Variants in SPOCK3 observed in about 807,000 individuals in gnomAD.
SPOCK3 encodes testican-3.
In SPOCK3, 30 loss-of-function variants were observed where a neutral mutation model predicts 56.6. The observed-to-expected ratio is 0.53, with a 90% CI of 0.40 to 0.72. SPOCK3 has a LOEUF of 0.72. Ranked by LOEUF, SPOCK3 falls within the 30% of genes least tolerant of loss-of-function variation. SPOCK3 has a pLI of 0.00. For missense variants in SPOCK3, 527 were observed against 530.0 expected (o/e 0.99, Z 0.06); for synonymous variants, 196 against 183.3 (o/e 1.07, Z -0.56).
chr4:166,754,881 A>C (rs1004591761), intron 7 of SPOCK3, 152 bp from the exon 8 acceptor site: 12 of 675,434 alleles, frequency 1.8e-5, no homozygotes, highest in Non-Finnish European at 2.5e-5. Flanking sequence ...AGTTTGTTTC[A>C]AATTGAAGTG....
intron 6 of SPOCK3, among the ~76,000 whole-genome samples, chr4:166,884,354 C>T (rs1300801892): frequency 7.2e-6 from 1 of 138,518 alleles, no homozygotes; most frequent in Non-Finnish European, 1.6e-5. Context: ...TCCATCTCAA[C>T]AACAACAACA....
Position 166,993,704 on chromosome 4 carries a change from T to C in SPOCK3, c.350+6645A>G, listed in dbSNP as rs899476698. On this transcript the variant is annotated intron_variant, in intron 4 of 10. Coordinates refer to ENST00000357545, the MANE Select transcript of SPOCK3 (RefSeq NM_001040159.2). ...CTATGGCAACCCAACAATTCACCTG[T>C]TAGCTATTAAATATACAGTCACTAT... is the stretch of plus-strand genomic sequence containing the variant. 2.0e-5 allele frequency among the ~76,000 whole-genome samples: 3 copies of C among 152,312 alleles called. No homozygotes were observed. In the East Asian group the frequency reaches 5.8e-4, roughly 29 times the overall value.
At chr4:166,765,224 C>T (rs561517295) in intron 7 of SPOCK3, among the ~76,000 whole-genome samples, 2 of 152,270 alleles carry the variant, frequency 1.3e-5, no homozygotes, top group East Asian at 3.9e-4. Flanking sequence ...GCTTTTGTTG[C>T]CATTGCTTTT....
At chr4:166,771,364 G>T (rs774248030) in intron 7 of SPOCK3, among the ~76,000 whole-genome samples, 1 of 151,952 alleles carries the variant, frequency 6.6e-6, no homozygotes, top group Non-Finnish European at 1.5e-5. Flanking sequence ...AAAAATATAA[G>T]CTTTCTCTAT....
chr4:166,885,692 A>C (rs1252908069), intron 6 of SPOCK3, among the ~76,000 whole-genome samples: 1 of 152,154 alleles, frequency 6.6e-6, no homozygotes, highest in African/African-American at 2.4e-5. Flanking sequence ...TACAAGGTGC[A>C]TAAAGAGTAT....
Position 167,057,016 on chromosome 4 carries a change from AT to A in SPOCK3, c.235+5475del, listed in dbSNP as rs1231801475. Among the ~76,000 whole-genome samples, 2 of 152,314 alleles carry A rather than the reference AT, an allele frequency of 1.3e-5. 1 individual carries two copies. Among genetic ancestry groups the A allele is most frequent in the African/African-American group, 4.8e-5 (2 of 41,570 alleles). The stretch of plus-strand genomic sequence containing the variant: ...CACCAAAGTTGAAATGAAGGAAAAA[AT>A]GTTAAGGGCATCCAGAGAGAAAGGT... On this transcript the variant is annotated intron_variant, in intron 3 of 10. Transcript: ENST00000357545.
At chr4:167,032,279 C>A (rs559911015) in intron 3 of SPOCK3, among the ~76,000 whole-genome samples, 1 of 151,862 alleles carries the variant, frequency 6.6e-6, no homozygotes, top group Non-Finnish European at 1.5e-5. Context: ...CAGTTAATAT[C>A]AATGATCATT....
At chr4:167,148,605 A>G (rs815226) in intron 2 of SPOCK3, among the ~76,000 whole-genome samples, 17,213 of 152,188 alleles carry the variant, frequency 0.11, 1,149 homozygotes, top group East Asian at 0.19. Flanking sequence ...GTTATAACTG[A>G]TATCTCTCTA....
intron 5 of SPOCK3, among the ~76,000 whole-genome samples, chr4:166,902,138 T>C (rs986077271): frequency 1.3e-5 from 2 of 152,196 alleles, no homozygotes; most frequent in Non-Finnish European, 2.9e-5. Flanking sequence ...AAATACTGGC[T>C]TTTGAATTTT....
At chr4:166,899,043 C>T (rs1735718293) in intron 5 of SPOCK3, among the ~76,000 whole-genome samples, 1 of 151,908 alleles carries the variant, frequency 6.6e-6, no homozygotes, top group African/African-American at 2.4e-5. Context: ...ATCTTCTGCC[C>T]TCTGACATCA....
At chr4:166,986,732 A>T (rs951161633) in intron 4 of SPOCK3, among the ~76,000 whole-genome samples, 1 of 152,290 alleles carries the variant, frequency 6.6e-6, no homozygotes, top group African/African-American at 2.4e-5. Context: ...TATATCAGTG[A>T]CACAGCTTTA....
intron 2 of SPOCK3, among the ~76,000 whole-genome samples, chr4:167,158,899 T>A (rs1162511356): frequency 6.6e-6 from 1 of 151,986 alleles, no homozygotes; most frequent in Non-Finnish European, 1.5e-5. Context: ...AAGATCTCAG[T>A]AACAGTAAAA....
At chr4:166,781,729 G>T (rs1263608252) in intron 7 of SPOCK3, among the ~76,000 whole-genome samples, 1 of 151,816 alleles carries the variant, frequency 6.6e-6, no homozygotes, top group Non-Finnish European at 1.5e-5. Context: ...AAATCTAGAT[G>T]CACCATCGTC....
intron 3 of SPOCK3, among the ~76,000 whole-genome samples, chr4:167,028,919 T>C (rs1414054167): frequency 5.3e-5 from 8 of 152,086 alleles, no homozygotes; most frequent in African/African-American, 1.9e-4. Flanking sequence ...CAATCTTTTT[T>C]CTTCAATGCT....
intron 7 of SPOCK3, among the ~76,000 whole-genome samples, chr4:166,781,248 A>G (rs1467887001): frequency 6.6e-6 from 1 of 152,216 alleles, no homozygotes; most frequent in African/African-American, 2.4e-5. Flanking sequence ...TAGAAATAAC[A>G]GATTTAGACA....
At chr4:166,768,582 G>T (rs1379800111) in intron 7 of SPOCK3, among the ~76,000 whole-genome samples, 1 of 152,166 alleles carries the variant, frequency 6.6e-6, no homozygotes, top group Admixed American at 6.5e-5. Flanking sequence ...GTTTCCCTTT[G>T]TGGGAAACCT....
At chr4:167,061,416 T>A (rs1009361835) in intron 3 of SPOCK3, among the ~76,000 whole-genome samples, 3 of 151,996 alleles carry the variant, frequency 2.0e-5, no homozygotes, top group Non-Finnish European at 4.4e-5. Flanking sequence ...AAACACTGGA[T>A]AATAGTGAAA....
intron 2 of SPOCK3, among the ~76,000 whole-genome samples, chr4:167,165,487 G>A (rs183297192): frequency 5.3e-4 from 81 of 152,146 alleles, no homozygotes; most frequent in Non-Finnish European, 1.0e-3. Context: ...TTAGAGAAAT[G>A]CAAATCAAAA....
At position 166,742,020 on chromosome 4, in the gene SPOCK3, C is replaced by T. The variant is rs138814470; in HGVS notation, c.971G>A (p.Arg324Gln). The change falls in exon 9 of 11, where the codon CGG becomes CAG. Residue 324 changes from arginine (R) to glutamine (Q), a missense_variant. Transcript: ENST00000357545. ...ACCTAGGAGCTTCTTTACCCCTTGC[C>T]GCTTCTGAATATTGCTGAGCTCAGT... is the stretch of plus-strand genomic sequence containing the variant. Reference protein sequence around the residue: ...CQTELSNIQKRQGVKKLLGQY... With the variant: ...CQTELSNIQKQQGVKKLLGQY... The T allele has an allele frequency of 7.8e-5, 126 of 1,612,770 alleles. 1 individual carries two copies. The highest frequency in any genetic ancestry group is 6.5e-4 in the Admixed American group (39 of 59,938).
Sources: allele counts gnomAD v4.1 joint callset (sites outside exome capture counted in the v4.1 genomes callset), GRCh38; gene constraint gnomAD v4.1.1; transcripts MANE v1.5; gene names NCBI Gene and HGNC (gene_info 2026-07-23, HGNC 2026-07-21).